The following PRORP variants were observed in gnomAD, a reference collection of about 807,000 sequenced individuals.
PRORP encodes the protein mitochondrial ribonuclease P catalytic subunit.
PRORP carries 51 observed loss-of-function variants against 59.4 expected under a neutral mutation model. The ratio of observed to expected loss-of-function variants is 0.86; its 90% CI spans 0.69 to 1.08. The LOEUF is 1.08. Ranked by LOEUF, PRORP falls within the 50% of genes least tolerant of loss-of-function variation. The pLI is 0.00. For synonymous variants in PRORP, 231 were observed against 245.6 expected, an observed-to-expected ratio of 0.94 and a Z score of 0.55; for missense variants, 646 against 690.3, an observed-to-expected ratio of 0.94 and a Z score of 0.72.
chr14:35,234,621 C>T lies in PRORP; in HGVS notation c.1276-32106C>T, dbSNP rs370220185. ...TTTACTTACTTCATTTTTTTTTAGA[C>T]TTCAAATGTGATTAACTCTCTCAAA... On this transcript the variant is annotated intron_variant, in intron 5 of 7. Coordinates refer to ENST00000534898, the MANE Select transcript of PRORP (RefSeq NM_014672.4). 6.6e-5 allele frequency among the ~76,000 whole-genome samples: 10 copies of T among 151,406 alleles called. No homozygotes were observed. In the East Asian group the frequency reaches 1.4e-3, roughly 20 times the overall value.
chr14:35,144,278 A>C (rs2047554150), intron 4 of PRORP: 1 of 146,318 alleles, frequency 6.8e-6, no homozygotes, highest in African/African-American at 2.4e-5. Flanking sequence ...CAGCTTGTAT[A>C]TCCTGCAGGT....
chr14:35,268,378 A>C (rs997822353), intron 6 of PRORP, among the ~76,000 whole-genome samples: 1 of 150,136 alleles, frequency 6.7e-6, no homozygotes, highest in Non-Finnish European at 1.5e-5. Context: ...CCACAAACCT[A>C]CAGTAGCCAT....
At chr14:35,190,896 GTTGCAAGATATTTTAGA>G (rs2048867054) in intron 5 of PRORP, among the ~76,000 whole-genome samples, 1 of 152,024 alleles carries the variant, frequency 6.6e-6, no homozygotes, top group South Asian at 2.1e-4. Context: ...ATCATAATCT[GTTGCAAGATATTTTAGA>G]TTTTCTTGGA....
intron 5 of PRORP, among the ~76,000 whole-genome samples, chr14:35,227,024 C>T (rs1056673714): frequency 3.3e-5 from 5 of 151,842 alleles, no homozygotes; most frequent in Non-Finnish European, 5.9e-5. Flanking sequence ...CGTGAGCCAC[C>T]GTGCCTGGCC....
At chr14:35,188,485 A>G (rs774303205) in intron 5 of PRORP, among the ~76,000 whole-genome samples, 6 of 151,848 alleles carry the variant, frequency 4.0e-5, no homozygotes, top group Non-Finnish European at 8.8e-5. Context: ...CATCACACCC[A>G]GCTAAGTTAT....
chr14:35,154,224 T>C (rs1319365319), intron 4 of PRORP, among the ~76,000 whole-genome samples: 2 of 152,036 alleles, frequency 1.3e-5, no homozygotes, highest in Non-Finnish European at 2.9e-5. Flanking sequence ...GAACAGGAAG[T>C]TGTGATTTAG....
chr14:35,157,218 G>T (rs771850982), intron 4 of PRORP, among the ~76,000 whole-genome samples: 9 of 152,046 alleles, frequency 5.9e-5, no homozygotes, highest in Non-Finnish European at 1.3e-4. Flanking sequence ...GCCTCTCAAA[G>T]TGCTGGGATT....
rs1320905349 is a variant in PRORP at position 35,259,719 on chromosome 14, G to C, written c.1276-7008G>C. Among the ~76,000 whole-genome samples, 2 of 151,890 alleles carry C rather than the reference G, an allele frequency of 1.3e-5. 1 individual carries two copies. Among genetic ancestry groups the C allele is most frequent in the South Asian group, 4.2e-4 (2 of 4,810 alleles). The stretch of plus-strand genomic sequence containing the variant: ...CAGCCTGGCCAACATGGTGAAAATC[G>C]GGCTTTACTAAAAATACAAAAAAAA... On this transcript the variant is annotated intron_variant, in intron 5 of 7. Transcript: ENST00000534898.
chr14:35,197,926 TTCTG>T (rs2049048936), intron 5 of PRORP, among the ~76,000 whole-genome samples: 1 of 152,238 alleles, frequency 6.6e-6, no homozygotes, highest in Admixed American at 6.5e-5. Flanking sequence ...TGGCTGTAAA[TTCTG>T]TCAGCAAACC....
intron 4 of PRORP, among the ~76,000 whole-genome samples, chr14:35,131,310 C>A (rs1264772152): frequency 1.3e-5 from 2 of 152,140 alleles, no homozygotes; most frequent in African/African-American, 4.8e-5. Flanking sequence ...TTGATGTAAT[C>A]TCTCAGCTTT....
chr14:35,180,294 C>T (rs7142230), intron 4 of PRORP, among the ~76,000 whole-genome samples: 89,378 of 151,978 alleles, frequency 0.59, 26,426 homozygotes, highest in East Asian at 0.69. Context: ...CGCTGGGAGC[C>T]GTGGACTGGA....
chr14:35,267,881 A>G (rs758249407), intron 6 of PRORP, among the ~76,000 whole-genome samples: 1 of 152,158 alleles, frequency 6.6e-6, no homozygotes, highest in African/African-American at 2.4e-5. Context: ...CAAGAGGGAA[A>G]GTAATAAGCT....
intron 6 of PRORP, among the ~76,000 whole-genome samples, chr14:35,267,404 C>G (rs2051067494): frequency 6.6e-6 from 1 of 152,100 alleles, no homozygotes; most frequent in Admixed American, 6.6e-5. Flanking sequence ...CAGGAACAGC[C>G]TTTCTGAGGG....
intron 5 of PRORP, among the ~76,000 whole-genome samples, chr14:35,243,832 G>A (rs1409308644): frequency 1.3e-5 from 2 of 152,082 alleles, no homozygotes; most frequent in Admixed American, 6.6e-5. Flanking sequence ...AAGTGGTGAT[G>A]TGTATAAGCA....
At chr14:35,231,009 G>A (rs986178999) in intron 5 of PRORP, among the ~76,000 whole-genome samples, 2 of 150,832 alleles carry the variant, frequency 1.3e-5, no homozygotes, top group Non-Finnish European at 2.9e-5. Context: ...TCTCTAGAAG[G>A]CTACTGAAGA....
intron 5 of PRORP, among the ~76,000 whole-genome samples, chr14:35,227,455 AGTTAT>A (rs1320620764): frequency 1.3e-5 from 2 of 151,960 alleles, no homozygotes; most frequent in Non-Finnish European, 2.9e-5. Flanking sequence ...AAAAAAAAAA[AGTTAT>A]GTTATGACAA....
At chr14:35,129,995 G>A (rs972299961) in intron 4 of PRORP, among the ~76,000 whole-genome samples, 1 of 146,034 alleles carries the variant, frequency 6.8e-6, no homozygotes, top group African/African-American at 2.5e-5. Flanking sequence ...AGTTATAGTC[G>A]TTATTATTTT....
At chr14:35,192,981 G>GA (rs57452893) in intron 5 of PRORP, among the ~76,000 whole-genome samples, 18,144 of 139,878 alleles carry the variant, frequency 0.13, 1,175 homozygotes, top group Middle Eastern at 0.18. Context: ...TGACAGAGTA[G>GA]AAAAAAAAAA....
chr14:35,175,299 A>G (rs1175355125), intron 4 of PRORP, among the ~76,000 whole-genome samples: 1 of 152,096 alleles, frequency 6.6e-6, no homozygotes, highest in Admixed American at 6.5e-5. Context: ...CTAGTTCTAG[A>G]TCCCTGAGGA....
Sources: gnomAD v4.1 joint callset for allele counts (sites outside exome capture counted in the v4.1 genomes callset) on GRCh38, gnomAD v4.1.1 for gene constraint, MANE v1.5 for transcripts, NCBI Gene and HGNC (gene_info 2026-07-23, HGNC 2026-07-21) for gene names.